CDH13: variants seen among roughly 807,000 people sequenced by gnomAD.
CDH13 encodes cadherin 13.
CDH13 carries 24 observed loss-of-function variants against 63.8 expected under a neutral mutation model. That is an observed-to-expected ratio of 0.38 (90% CI 0.27 to 0.53). CDH13 has a LOEUF of 0.53. CDH13 is among the 20% of genes least tolerant of loss of function. CDH13 has a pLI of 0.85. For synonymous variants in CDH13, 503 were observed against 355.3 expected (o/e 1.42, Z -4.67); for missense variants, 1,049 against 903.1 (o/e 1.16, Z -2.07).
intron 12 of CDH13, among the ~76,000 whole-genome samples, chr16:83,781,002 C>G (rs1915480938): frequency 6.6e-6 from 1 of 152,192 alleles, no homozygotes; most frequent in African/African-American, 2.4e-5. Flanking sequence ...CCATAGTACG[C>G]TGCAGACCTC....
intron 7 of CDH13, among the ~76,000 whole-genome samples, chr16:83,533,078 C>G (rs866250657): frequency 6.6e-6 from 1 of 152,184 alleles, no homozygotes; most frequent in African/African-American, 2.4e-5. Context: ...TCTGCCTGCT[C>G]CTATTACAGT....
chr16:83,434,905 T>C (rs1010565385), intron 6 of CDH13, among the ~76,000 whole-genome samples: 1 of 143,962 alleles, frequency 6.9e-6, no homozygotes, highest in African/African-American at 2.5e-5. Flanking sequence ...AATAAACCCC[T>C]ATTTTATTTA....
intron 1 of CDH13, among the ~76,000 whole-genome samples, chr16:82,848,291 G>A (rs2039347163): frequency 6.6e-6 from 1 of 152,172 alleles, no homozygotes; most frequent in African/African-American, 2.4e-5. Flanking sequence ...GAATTACATT[G>A]TTGGAGCAAT....
chr16:82,898,573 C>G (rs911763396), intron 2 of CDH13, among the ~76,000 whole-genome samples: 2 of 152,164 alleles, frequency 1.3e-5, no homozygotes, highest in Non-Finnish European at 2.9e-5. Flanking sequence ...AATTATAGCA[C>G]TGGTCTCATG....
intron 6 of CDH13, among the ~76,000 whole-genome samples, chr16:83,434,573 A>T (rs1453496572): frequency 6.6e-6 from 1 of 151,646 alleles, no homozygotes; most frequent in Non-Finnish European, 1.5e-5. Context: ...CTCCATCTCA[A>T]ACTCAATTAA....
At chr16:83,166,231 G>A (rs1284498599) in intron 4 of CDH13, among the ~76,000 whole-genome samples, 2 of 152,092 alleles carry the variant, frequency 1.3e-5, no homozygotes, top group African/African-American at 4.8e-5. Flanking sequence ...GAATAACCAA[G>A]TGCTGCTCTG....
At chr16:82,746,259 G>GTGTTTATATATAAACACAC (rs2034167286) in intron 1 of CDH13, among the ~76,000 whole-genome samples, 1 of 84,590 alleles carries the variant, frequency 1.2e-5, no homozygotes. Context: ...TTATATATAT[G>GTGTTTATATATAAACACAC]TGTTTATATA....
chr16:83,225,490 G>C (rs72802237), intron 5 of CDH13, among the ~76,000 whole-genome samples: 66 of 152,296 alleles, frequency 4.3e-4, no homozygotes, highest in Non-Finnish European at 7.2e-4. Context: ...GTTACTGCGT[G>C]TTTGCTTGTT....
At chr16:83,384,760 C>G (rs190679215) in intron 6 of CDH13, among the ~76,000 whole-genome samples, 2 of 152,236 alleles carry the variant, frequency 1.3e-5, no homozygotes, top group African/African-American at 4.8e-5. Context: ...TGAATCTTTC[C>G]TGTCTCACTC....
At chr16:82,939,389 C>G (rs2042762794) in intron 2 of CDH13, among the ~76,000 whole-genome samples, 1 of 150,552 alleles carries the variant, frequency 6.6e-6, no homozygotes, top group Non-Finnish European at 1.5e-5. Context: ...CACCATTGCA[C>G]TCCAGCCTGG....
At chr16:83,222,152 C>G (rs1441874727) in intron 5 of CDH13, among the ~76,000 whole-genome samples, 1 of 152,184 alleles carries the variant, frequency 6.6e-6, no homozygotes, top group African/African-American at 2.4e-5. Flanking sequence ...TGTTCCTGGC[C>G]TCAGAACATG....
chr16:83,750,014 T>C (rs951091498), intron 11 of CDH13, among the ~76,000 whole-genome samples: 1 of 152,196 alleles, frequency 6.6e-6, no homozygotes, highest in Non-Finnish European at 1.5e-5. Flanking sequence ...ATAGCTCATG[T>C]TGGCTGGGCA....
At chr16:83,037,669 G>A (rs967279237) in intron 3 of CDH13, among the ~76,000 whole-genome samples, 2 of 152,174 alleles carry the variant, frequency 1.3e-5, no homozygotes, top group African/African-American at 4.8e-5. Context: ...ATGTCCAGGA[G>A]TCAATGGACA....
At chr16:83,755,375 GA>G (rs930721183) in intron 11 of CDH13, among the ~76,000 whole-genome samples, 1 of 151,106 alleles carries the variant, frequency 6.6e-6, no homozygotes, top group Non-Finnish European at 1.5e-5. Context: ...TAATGGAGCA[GA>G]AAAAAAAATT....
intron 10 of CDH13, among the ~76,000 whole-genome samples, chr16:83,745,257 C>G (rs1912465675): frequency 6.6e-6 from 1 of 152,176 alleles, no homozygotes; most frequent in Non-Finnish European, 1.5e-5. Flanking sequence ...TCAGCAGGAG[C>G]CTCTCCTGGC....
At chr16:83,526,140 G>A (rs1047847080) in intron 7 of CDH13, among the ~76,000 whole-genome samples, 10 of 152,236 alleles carry the variant, frequency 6.6e-5, no homozygotes, top group Non-Finnish European at 1.5e-5. Flanking sequence ...AAAACACCAG[G>A]AAATGCTGCA....
chr16:83,028,590 T>C (rs568327074), intron 2 of CDH13, among the ~76,000 whole-genome samples: 4 of 152,316 alleles, frequency 2.6e-5, no homozygotes, highest in African/African-American at 9.6e-5. Flanking sequence ...CCGTGGATAC[T>C]ACCCAACCCT....
intron 7 of CDH13, among the ~76,000 whole-genome samples, chr16:83,602,104 C>CAAAA (rs1567797536): frequency 8.1e-4 from 3 of 3,714 alleles, no homozygotes; most frequent in African/African-American, 3.4e-3. Flanking sequence ...AAAAGAACAA[C>CAAAA]AACAAAAAAA....
At chr16:83,302,181 G>T (rs1453646865) in intron 5 of CDH13, among the ~76,000 whole-genome samples, 1 of 152,172 alleles carries the variant, frequency 6.6e-6, no homozygotes, top group Non-Finnish European at 1.5e-5. Context: ...TTGGCCTCAT[G>T]ACATCATAGA....
Sources: gnomAD v4.1 joint callset for allele counts (sites outside exome capture counted in the v4.1 genomes callset) on GRCh38, gnomAD v4.1.1 for gene constraint, MANE v1.5 for transcripts, NCBI Gene and HGNC (gene_info 2026-07-23, HGNC 2026-07-21) for gene names.